The following PLPPR1 variants were observed in gnomAD, a reference collection of about 807,000 sequenced individuals.
PLPPR1 encodes the protein phospholipid phosphatase-related protein type 1.
A neutral mutation model predicts 33.1 loss-of-function variants in PLPPR1; 10 were observed. The observed-to-expected ratio is 0.30, with a 90% CI of 0.19 to 0.51. The LOEUF is 0.51. Among genes scored for constraint, PLPPR1 ranks in the 20% least tolerant of loss-of-function variants. PLPPR1 has a pLI of 0.97. For synonymous variants in PLPPR1, 151 were observed against 151.0 expected, an observed-to-expected ratio of 1.00 and a Z score of 0.00; for missense variants, 304 against 408.1, an observed-to-expected ratio of 0.74 and a Z score of 2.20.
intron 2 of PLPPR1, among the ~76,000 whole-genome samples, chr9:101,189,011 A>G (rs1482717992): frequency 2.6e-5 from 4 of 152,068 alleles, no homozygotes; most frequent in African/African-American, 2.4e-5. Flanking sequence ...CCTTTCAGCA[A>G]GAGTCTAGTA....
intron 2 of PLPPR1, among the ~76,000 whole-genome samples, chr9:101,225,227 A>G (rs1827038434): frequency 6.6e-6 from 1 of 152,184 alleles, no homozygotes; most frequent in African/African-American, 2.4e-5. Context: ...ATTTGGACTC[A>G]TTTAAGGAAT....
intron 1 of PLPPR1, among the ~76,000 whole-genome samples, chr9:101,110,271 C>T (rs1053453715): frequency 6.6e-6 from 1 of 151,990 alleles, no homozygotes; most frequent in Admixed American, 6.6e-5. Context: ...ATACAAATGA[C>T]AATAACAACA....
intron 5 of PLPPR1, among the ~76,000 whole-genome samples, chr9:101,310,978 A>T (rs1379803890): frequency 6.6e-6 from 1 of 152,096 alleles, no homozygotes; most frequent in Admixed American, 6.5e-5. Context: ...CTATGCAGGT[A>T]TTTTTTTTAA....
chr9:101,040,299 T>G (rs1261074982), intron 1 of PLPPR1, among the ~76,000 whole-genome samples: 1 of 152,152 alleles, frequency 6.6e-6, no homozygotes, highest in East Asian at 1.9e-4. Flanking sequence ...ATATATATGC[T>G]TGCACAGAAT....
intron 1 of PLPPR1, among the ~76,000 whole-genome samples, chr9:101,098,124 G>C (rs1348331643): frequency 6.6e-6 from 1 of 152,130 alleles, no homozygotes; most frequent in Non-Finnish European, 1.5e-5. Flanking sequence ...TATCACTCTG[G>C]AGGCCGAGTG....
At chr9:101,297,203 A>G (rs994715891) in intron 4 of PLPPR1, among the ~76,000 whole-genome samples, 2 of 152,026 alleles carry the variant, frequency 1.3e-5, no homozygotes, top group East Asian at 3.9e-4. Flanking sequence ...TAGAAATCAG[A>G]AAAAGAACTA....
At chr9:101,308,943 G>A (rs1001263741) in intron 4 of PLPPR1, among the ~76,000 whole-genome samples, 2 of 152,124 alleles carry the variant, frequency 1.3e-5, no homozygotes, top group Admixed American at 6.5e-5. Flanking sequence ...GTGTCTATAT[G>A]ACTCCAAAAT....
At chr9:101,170,501 C>T (rs4743451) in intron 1 of PLPPR1, among the ~76,000 whole-genome samples, 54,283 of 152,064 alleles carry the variant, frequency 0.36, 10,222 homozygotes, top group Non-Finnish European at 0.41. Flanking sequence ...TCCCATGACA[C>T]GTGAGATTGT....
At chr9:101,279,032 A>T (rs1355854175) in intron 3 of PLPPR1, among the ~76,000 whole-genome samples, 1 of 152,194 alleles carries the variant, frequency 6.6e-6, no homozygotes, top group African/African-American at 2.4e-5. Context: ...CCCCAAGAAC[A>T]ATCAGTAAAA....
At chr9:101,211,381 C>A (rs1414903399) in intron 2 of PLPPR1, among the ~76,000 whole-genome samples, 11 of 152,138 alleles carry the variant, frequency 7.2e-5, no homozygotes, top group Admixed American at 7.2e-4. Context: ...ACAGAGAAAA[C>A]ATTGTCCAAA....
At chr9:101,261,124 A>G (rs1827891290) in intron 2 of PLPPR1, among the ~76,000 whole-genome samples, 1 of 152,170 alleles carries the variant, frequency 6.6e-6, no homozygotes, top group Non-Finnish European at 1.5e-5. Flanking sequence ...GAACAGTTAA[A>G]TGGCTCCAGA....
chr9:101,297,262 G>A (rs1032304741), intron 4 of PLPPR1, among the ~76,000 whole-genome samples: 1 of 152,136 alleles, frequency 6.6e-6, no homozygotes, highest in Non-Finnish European at 1.5e-5. Flanking sequence ...TATCCAGAAC[G>A]ATGGCCAAGT....
chr9:101,062,149 G>GGTTGTGTGTGTGTGT (rs374602198), intron 1 of PLPPR1, among the ~76,000 whole-genome samples: 4 of 148,446 alleles, frequency 2.7e-5, no homozygotes, highest in African/African-American at 9.9e-5. Flanking sequence ...GACAAAATGT[G>GGTTGTGTGTGTGTGT]GTGTGTGTGT....
chr9:101,132,008 G>A (rs1381999923), intron 1 of PLPPR1, among the ~76,000 whole-genome samples: 1 of 152,216 alleles, frequency 6.6e-6, no homozygotes, highest in Non-Finnish European at 1.5e-5. Context: ...AGCAAGTGCT[G>A]TATTTGTGTT....
intron 2 of PLPPR1, among the ~76,000 whole-genome samples, chr9:101,197,872 A>G (rs1826426024): frequency 6.6e-6 from 1 of 152,220 alleles, no homozygotes; most frequent in Non-Finnish European, 1.5e-5. Context: ...AAAAGATCCA[A>G]AGACATATCA....
chr9:101,040,723 T>C (rs1830067302), intron 1 of PLPPR1, among the ~76,000 whole-genome samples: 1 of 152,202 alleles, frequency 6.6e-6, no homozygotes, highest in African/African-American at 2.4e-5. Flanking sequence ...TTTGCATTTC[T>C]GCATTAGTAC....
chr9:101,130,687 C>A (rs866924083), intron 1 of PLPPR1, among the ~76,000 whole-genome samples: 1 of 152,116 alleles, frequency 6.6e-6, no homozygotes, highest in Non-Finnish European at 1.5e-5. Context: ...ATAGATAATA[C>A]AAAATCACTT....
At chr9:101,169,173 G>A (rs1336819479) in intron 1 of PLPPR1, among the ~76,000 whole-genome samples, 2 of 152,104 alleles carry the variant, frequency 1.3e-5, no homozygotes, top group African/African-American at 2.4e-5. Context: ...CATCCCTTTT[G>A]GGGTGTGTGT....
chr9:101,033,475 G>T (rs10819890), intron 1 of PLPPR1, among the ~76,000 whole-genome samples: 12 of 152,060 alleles, frequency 7.9e-5, no homozygotes, highest in African/African-American at 2.7e-4. Flanking sequence ...TTTTTATTAG[G>T]GAAGAAGATG....
Sources: gnomAD v4.1 joint callset for allele counts (sites outside exome capture counted in the v4.1 genomes callset) on GRCh38, gnomAD v4.1.1 for gene constraint, MANE v1.5 for transcripts, NCBI Gene and HGNC (gene_info 2026-07-23, HGNC 2026-07-21) for gene names.